The following ELMO1 variants were observed in gnomAD, a reference collection of about 807,000 sequenced individuals.
The protein encoded by ELMO1 is engulfment and cell motility protein 1.
In ELMO1, 26 loss-of-function variants were observed where a neutral mutation model predicts 98.9. The observed-to-expected ratio is 0.26, with a 90% CI of 0.19 to 0.36. The LOEUF (loss-of-function observed/expected upper bound fraction) is 0.36. ELMO1 is among the 10% of genes least tolerant of loss of function. ELMO1 has a pLI of 1.00. For synonymous variants in ELMO1, 346 were observed against 346.0 expected, an observed-to-expected ratio of 1.00 and a Z score of 0.00; for missense variants, 627 against 935.2, an observed-to-expected ratio of 0.67 and a Z score of 4.30.
intron 13 of ELMO1, among the ~76,000 whole-genome samples, chr7:37,174,592 C>G (rs1010086144): frequency 6.6e-6 from 1 of 152,150 alleles, no homozygotes; most frequent in Non-Finnish European, 1.5e-5. Flanking sequence ...CAGCATCCAG[C>G]AATTGAGCTT....
chr7:37,267,032 T>A (rs1416874478), intron 5 of ELMO1, among the ~76,000 whole-genome samples: 264 of 17,364 alleles, frequency 0.015, 31 homozygotes, highest in Middle Eastern at 0.062. Flanking sequence ...AAAAAATATG[T>A]ATATATACAC....
intron 13 of ELMO1, among the ~76,000 whole-genome samples, chr7:37,187,357 C>G (rs1011620900): frequency 6.6e-6 from 1 of 152,086 alleles, no homozygotes; most frequent in Non-Finnish European, 1.5e-5. Context: ...AATGAAAATG[C>G]TCTAAAATTG....
chr7:37,346,673 T>C (rs1397962987), intron 1 of ELMO1, among the ~76,000 whole-genome samples: 1 of 152,248 alleles, frequency 6.6e-6, no homozygotes, highest in Non-Finnish European at 1.5e-5. Flanking sequence ...GCAAACAGAT[T>C]GTGTGAATTT....
chr7:37,194,415 C>A, intron 13 of ELMO1, among the ~76,000 whole-genome samples: 1 of 152,236 alleles, frequency 6.6e-6, no homozygotes, highest in African/African-American at 2.4e-5. Context: ...GTGCTCCACA[C>A]CTTTTCTTTC....
In ELMO1 at chr7:37,170,923, A is replaced by G. The variant is rs528757124; in HGVS notation, c.1087-37689T>C. Among the ~76,000 whole-genome samples, 3 of 152,242 alleles carry G rather than the reference A, an allele frequency of 2.0e-5. No homozygotes were observed. The South Asian group carries it at 6.2e-4, about 32-fold the overall frequency. ...GCCTGGCTGAACTTTCATTTTATAA[A>G]TTTATTTTTCCCAGAAACTTTGTAG... On this transcript the variant is annotated intron_variant, in intron 13 of 21. Coordinates refer to ENST00000310758, the MANE Select transcript of ELMO1 (RefSeq NM_014800.11).
intron 1 of ELMO1, among the ~76,000 whole-genome samples, chr7:37,358,343 G>A (rs1801571392): frequency 6.6e-6 from 1 of 152,090 alleles, no homozygotes; most frequent in Admixed American, 6.6e-5. Context: ...TATCCACTTT[G>A]ACAAGGACTC....
intron 16 of ELMO1, among the ~76,000 whole-genome samples, chr7:36,998,847 G>C (rs1259058158): frequency 6.6e-6 from 1 of 152,048 alleles, no homozygotes; most frequent in Non-Finnish European, 1.5e-5. Flanking sequence ...ATTAATACAT[G>C]AAAAGGCGAG....
At chr7:37,233,568 G>T (rs1794302070) in intron 7 of ELMO1, among the ~76,000 whole-genome samples, 1 of 152,174 alleles carries the variant, frequency 6.6e-6, no homozygotes, top group African/African-American at 2.4e-5. Context: ...ACTTAATAAA[G>T]TATGTAGCAT....
chr7:37,191,479 G>T (rs1352278133), intron 13 of ELMO1, among the ~76,000 whole-genome samples: 1 of 151,988 alleles, frequency 6.6e-6, no homozygotes, highest in Non-Finnish European at 1.5e-5. Flanking sequence ...ACCGACCCAA[G>T]AATCTAACAA....
At chr7:37,033,511 CCAAA>C in intron 15 of ELMO1, 4 of 409,362 alleles carry the variant, frequency 9.8e-6, no homozygotes, top group Middle Eastern at 5.7e-4. Flanking sequence ...AAAAAATACA[CCAAA>C]CAGACACTGG....
intron 14 of ELMO1, among the ~76,000 whole-genome samples, chr7:37,109,577 A>G (rs80120547): frequency 2.0e-5 from 3 of 152,240 alleles, no homozygotes; most frequent in Non-Finnish European, 4.4e-5. Flanking sequence ...GGGAACAGAG[A>G]AGGGACAATC....
chr7:36,891,659 T>C (rs1805559408), intron 17 of ELMO1, among the ~76,000 whole-genome samples: 1 of 152,234 alleles, frequency 6.6e-6, no homozygotes, highest in Non-Finnish European at 1.5e-5. Context: ...TGAAAAGTGC[T>C]TTTCATGCAT....
chr7:37,057,279 GA>G (rs199576280), intron 15 of ELMO1, among the ~76,000 whole-genome samples: 1 of 146,796 alleles, frequency 6.8e-6, no homozygotes, highest in Non-Finnish European at 1.5e-5. Flanking sequence ...CATGTGTTTT[GA>G]AAAAAAAAAC....
intron 15 of ELMO1, among the ~76,000 whole-genome samples, chr7:37,095,114 C>T (rs558614846): frequency 6.6e-6 from 1 of 152,272 alleles, no homozygotes; most frequent in African/African-American, 2.4e-5. Context: ...GAGGAGACAA[C>T]CAAGGGCAGT....
intron 12 of ELMO1, among the ~76,000 whole-genome samples, chr7:37,213,034 A>G (rs1263145634): frequency 6.6e-6 from 1 of 152,160 alleles, no homozygotes; most frequent in Non-Finnish European, 1.5e-5. Flanking sequence ...CAAAGCTACT[A>G]CTATTAAATG....
intron 6 of ELMO1, among the ~76,000 whole-genome samples, chr7:37,255,284 A>T (rs1449539625): frequency 1.3e-5 from 2 of 152,172 alleles, no homozygotes; most frequent in Non-Finnish European, 2.9e-5. Context: ...ACAAAAAGAA[A>T]AAACAGGGAT....
At chr7:37,278,661 A>G (rs1409891111) in intron 4 of ELMO1, among the ~76,000 whole-genome samples, 1 of 152,160 alleles carries the variant, frequency 6.6e-6, no homozygotes, top group East Asian at 1.9e-4. Flanking sequence ...CAGCTCCCAT[A>G]ATCCCATGAG....
At chr7:37,061,764 C>A (rs948571516) in intron 15 of ELMO1, among the ~76,000 whole-genome samples, 5 of 152,144 alleles carry the variant, frequency 3.3e-5, no homozygotes, top group Admixed American at 1.3e-4. Flanking sequence ...AATAAATACA[C>A]CGAATGGCAT....
chr7:36,987,297 G>C (rs1341195270), intron 16 of ELMO1, among the ~76,000 whole-genome samples: 1 of 151,940 alleles, frequency 6.6e-6, no homozygotes, highest in Non-Finnish European at 1.5e-5. Context: ...TCTCTCCTTA[G>C]CAGCAGGGGT....
Sources: gnomAD v4.1 joint callset for allele counts (sites outside exome capture counted in the v4.1 genomes callset) on GRCh38, gnomAD v4.1.1 for gene constraint, MANE v1.5 for transcripts, NCBI Gene and HGNC (gene_info 2026-07-23, HGNC 2026-07-21) for gene names.